Variants in DNAH11 observed in about 807,000 individuals in gnomAD.
The protein encoded by DNAH11 is dynein axonemal heavy chain 11.
DNAH11 carries 442 observed loss-of-function variants against 526.0 expected under a neutral mutation model. That is an observed-to-expected ratio of 0.84 (90% CI 0.78 to 0.91). The LOEUF (loss-of-function observed/expected upper bound fraction) is 0.91. Among genes scored for constraint, DNAH11 ranks in the 40% least tolerant of loss-of-function variants. The pLI is 0.00. For synonymous variants in DNAH11, 2,461 were observed against 1,935.9 expected, an observed-to-expected ratio of 1.27 and a Z score of -7.12; for missense variants, 6,989 against 5,448.7, an observed-to-expected ratio of 1.28 and a Z score of -8.90.
intron 43 of DNAH11, among the ~76,000 whole-genome samples, chr7:21,718,839 TAAG>T (rs959084545): frequency 8.5e-4 from 129 of 152,306 alleles, no homozygotes; most frequent in African/African-American, 2.8e-3. Context: ...ACAAGCATAA[TAAG>T]AAGAGAAAGT....
intron 36 of DNAH11, among the ~76,000 whole-genome samples, chr7:21,701,567 G>A (rs1428912198): frequency 2.6e-5 from 4 of 152,150 alleles, no homozygotes; most frequent in African/African-American, 9.7e-5. Flanking sequence ...TGAGATGACA[G>A]GCATGAGCCA....
intron 55 of DNAH11, among the ~76,000 whole-genome samples, chr7:21,770,610 A>C (rs1443163512): frequency 6.6e-6 from 1 of 152,214 alleles, no homozygotes; most frequent in Non-Finnish European, 1.5e-5. Flanking sequence ...TGCCGCTGGT[A>C]AGGGGTACAT....
chr7:21,855,658 T>C (rs1782816643), intron 68 of DNAH11, among the ~76,000 whole-genome samples: 1 of 152,200 alleles, frequency 6.6e-6, no homozygotes. Flanking sequence ...GCTCCATACC[T>C]TGTACCATGC....
At chr7:21,746,734 C>T (rs1299304156) in intron 51 of DNAH11, among the ~76,000 whole-genome samples, 1 of 152,306 alleles carries the variant, frequency 6.6e-6, no homozygotes, top group African/African-American at 2.4e-5. Context: ...CCCTTCCTGT[C>T]ACCACAACTA....
Position 21,818,228 on chromosome 7 carries a change from C to G in DNAH11, c.10580C>G (p.Ala3527Gly). The G allele has an allele frequency of 6.2e-7, 1 of 1,610,744 alleles. No homozygotes were observed. Among genetic ancestry groups the G allele is most frequent in the Non-Finnish European group, 8.5e-7 (1 of 1,178,562 alleles). The part of the protein sequence containing the change: ...THLGQKGFLN[A>G]IETALAFGDV... Reference sequence around the variant, plus strand: ...CACTGAATTTTAAGGTTTTTGAATGCCATTGAAACTGCTTTGGCCTTTGGT... The same window carrying G: ...CACTGAATTTTAAGGTTTTTGAATGGCATTGAAACTGCTTTGGCCTTTGGT... Residue 3527 changes from alanine (A) to glycine (G), a missense_variant, in exon 65 of 82, where the codon GCC becomes GGC. Physicochemically the swap from Ala to Gly is moderately conservative, Grantham distance 60. Transcript: ENST00000409508.
chr7:21,573,190 C>G (rs914607843), intron 8 of DNAH11, among the ~76,000 whole-genome samples: 26 of 152,188 alleles, frequency 1.7e-4, no homozygotes, highest in Non-Finnish European at 8.8e-5. Context: ...TGATTTTACT[C>G]CTGTCTCTGC....
intron 28 of DNAH11, among the ~76,000 whole-genome samples, chr7:21,650,991 T>A (rs1781735616): frequency 6.6e-6 from 1 of 152,066 alleles, no homozygotes; most frequent in Admixed American, 6.6e-5. Context: ...ATTTACTATT[T>A]TGACACATTG....
At chr7:21,872,140 A>AAAAAC (rs1783525754) in intron 73 of DNAH11, among the ~76,000 whole-genome samples, 2 of 146,618 alleles carry the variant, frequency 1.4e-5, no homozygotes, top group African/African-American at 5.0e-5. Context: ...AAAAAAAAAA[A>AAAAAC]AAAAAAAAAC....
intron 8 of DNAH11, among the ~76,000 whole-genome samples, chr7:21,574,814 C>T (rs1784023122): frequency 6.7e-6 from 1 of 149,788 alleles, no homozygotes; most frequent in African/African-American, 2.5e-5. Flanking sequence ...GATCCACCCT[C>T]CTTGGCCTCC....
intron 25 of DNAH11, among the ~76,000 whole-genome samples, chr7:21,625,074 CCTT>C (rs149625469): frequency 0.13 from 19,278 of 151,766 alleles, 1,284 homozygotes; most frequent in African/African-American, 0.15. Context: ...AAGTATTTCT[CCTT>C]AAGTTTTTTT....
In DNAH11 at chr7:21,601,075, T is replaced by A. The variant is rs1246043640; in HGVS notation, c.3321T>A (p.Ser1107Arg). 6.2e-7 allele frequency: 1 copy of A among 1,611,890 alleles called. No individual in the cohort carries two copies. The highest frequency in any genetic ancestry group is 8.5e-7 in the Non-Finnish European group (1 of 1,179,528). The change falls in exon 17 of 82, where the codon AGT becomes AGA. Residue 1107 changes from serine to arginine, a missense_variant. Ser to Arg is a moderately radical substitution (Grantham distance 110, BLOSUM62 -1). Transcript: ENST00000409508. ...TTGAGGACTTTAGAGTGTTTGATAG[T>A]TGGTTCAAGGTGGACATGAAGCCTT... ...SKFEDFRVFDSWFKVDMKPFK... is the reference protein window; with the variant it reads ...SKFEDFRVFDRWFKVDMKPFK...
At chr7:21,716,528 A>G (rs1784669219) in intron 42 of DNAH11, among the ~76,000 whole-genome samples, 1 of 152,186 alleles carries the variant, frequency 6.6e-6, no homozygotes, top group Non-Finnish European at 1.5e-5. Context: ...TAGCATATCC[A>G]GGCAGTTTCA....
chr7:21,781,960 A>G (rs1286245046), intron 57 of DNAH11, among the ~76,000 whole-genome samples: 2 of 152,170 alleles, frequency 1.3e-5, no homozygotes, highest in Non-Finnish European at 2.9e-5. Flanking sequence ...GTGTGTGTCC[A>G]AACTTCTCAC....
intron 55 of DNAH11, among the ~76,000 whole-genome samples, chr7:21,770,100 C>G (rs1421764291): frequency 2.6e-5 from 4 of 152,190 alleles, no homozygotes; most frequent in African/African-American, 9.7e-5. Context: ...TGGCAGTAAT[C>G]TTACTGCAAC....
At chr7:21,694,993 A>G (rs1299165045) in intron 35 of DNAH11, among the ~76,000 whole-genome samples, 1 of 152,174 alleles carries the variant, frequency 6.6e-6, no homozygotes, top group Non-Finnish European at 1.5e-5. Flanking sequence ...CCCATTCACA[A>G]TTGCTACAAA....
Position 21,690,859 on chromosome 7 carries a change from GA to G in DNAH11, c.6023del (p.Asn2008IlefsTer18). 2.5e-6 allele frequency: 4 copies of G among 1,612,520 alleles called. No homozygotes were observed. The highest frequency in any genetic ancestry group is 1.3e-5 in the African/African-American group (1 of 74,978). ...TTATGCTGGTCGAACCGAATTACCGGAAAATCTCAAAGCTCTTTTCAGGCAA... is the reference window on the plus strand; with the variant it reads ...TTATGCTGGTCGAACCGAATTACCGGAAATCTCAAAGCTCTTTTCAGGCAA... ...PGYAGRTELP[E>X]NLKALFRPCA... On this transcript the variant is annotated frameshift_variant, in exon 35 of 82. Coordinates refer to ENST00000409508, the MANE Select transcript of DNAH11 (RefSeq NM_001277115.2). LOFTEE classifies it high-confidence loss of function.
intron 30 of DNAH11, among the ~76,000 whole-genome samples, chr7:21,667,145 G>A (rs1330908966): frequency 6.6e-6 from 1 of 152,086 alleles, no homozygotes; most frequent in African/African-American, 2.4e-5. Context: ...ATTAAATCTA[G>A]AAGAAATGGA....
At chr7:21,727,306 T>C (rs1030654329) in intron 45 of DNAH11, among the ~76,000 whole-genome samples, 1 of 152,182 alleles carries the variant, frequency 6.6e-6, no homozygotes, top group Non-Finnish European at 1.5e-5. Flanking sequence ...ATAATAATTT[T>C]TCCTAGAAAG....
chr7:21,657,753 C>A (rs1262138115), intron 29 of DNAH11, among the ~76,000 whole-genome samples: 2 of 152,172 alleles, frequency 1.3e-5, no homozygotes. Flanking sequence ...TGCATGTTAA[C>A]AAAGCACAGT....
Sources: allele counts gnomAD v4.1 joint callset (sites outside exome capture counted in the v4.1 genomes callset), GRCh38; gene constraint gnomAD v4.1.1; transcripts MANE v1.5; gene names NCBI Gene and HGNC (gene_info 2026-07-23, HGNC 2026-07-21).